Variants in ITPR2 observed in about 807,000 individuals in gnomAD.
ITPR2 encodes the protein inositol 1,4,5-trisphosphate receptor type 2.
A neutral mutation model predicts 317.1 loss-of-function variants in ITPR2; 207 were observed. The ratio of observed to expected loss-of-function variants is 0.65; its 90% confidence interval spans 0.58 to 0.73. ITPR2 has a LOEUF of 0.73. Among genes scored for constraint, ITPR2 ranks in the 30% least tolerant of loss-of-function variants. The pLI is 0.00. For synonymous variants in ITPR2, 1,156 were observed against 1,149.1 expected, an observed-to-expected ratio of 1.01 and a Z score of -0.12; for missense variants, 2,613 against 3,284.0, an observed-to-expected ratio of 0.80 and a Z score of 4.99.
chr12:26,626,225 A>G (rs1247002730), intron 23 of ITPR2, among the ~76,000 whole-genome samples: 2 of 152,168 alleles, frequency 1.3e-5, no homozygotes, highest in African/African-American at 4.8e-5. Flanking sequence ...TCGGCCTCCC[A>G]AAGTGTTGGG....
intron 45 of ITPR2, among the ~76,000 whole-genome samples, chr12:26,457,022 T>C (rs772901008): frequency 1.3e-5 from 2 of 152,186 alleles, no homozygotes; most frequent in Non-Finnish European, 2.9e-5. Context: ...TACCAAATAA[T>C]GCTCTAGGCT....
intron 14 of ITPR2, 110 bp from the exon 15 acceptor site, chr12:26,663,956 A>G: frequency 9.8e-7 from 1 of 1,021,952 alleles, no homozygotes; most frequent in Non-Finnish European, 1.4e-6. Context: ...AAATTTGAGT[A>G]TTAGAGTAAA....
intron 8 of ITPR2, among the ~76,000 whole-genome samples, chr12:26,714,732 G>T (rs892571399): frequency 2.6e-5 from 4 of 152,172 alleles, no homozygotes; most frequent in Middle Eastern, 3.4e-3. Context: ...CATATAAAAA[G>T]ATCCTTTAAG....
chr12:26,395,711 C>G (rs1183963707), intron 54 of ITPR2, among the ~76,000 whole-genome samples: 1 of 152,180 alleles, frequency 6.6e-6, no homozygotes, highest in Non-Finnish European at 1.5e-5. Context: ...AACAGCTTGG[C>G]CCCATAACGC....
At chr12:26,483,558 T>C (rs1220304446) in intron 42 of ITPR2, 140 bp downstream of exon 42, 3 of 637,082 alleles carry the variant, frequency 4.7e-6, no homozygotes, top group African/African-American at 3.7e-5. Context: ...TCCTTGTCTA[T>C]AATTCAGTCT....
intron 16 of ITPR2, 141 bp from the exon 17 acceptor site, chr12:26,658,271 G>A (rs1204559316): frequency 4.3e-6 from 2 of 467,674 alleles, no homozygotes; most frequent in East Asian, 7.6e-5. Flanking sequence ...TGTCTAATGT[G>A]TTGTTTATCT....
chr12:26,661,668 T>C lies in ITPR2; in HGVS notation c.1713+2017A>G, dbSNP rs1361952922. Among the ~76,000 whole-genome samples, 3 of 152,266 alleles carry C rather than the reference T, an allele frequency of 2.0e-5. No homozygotes were observed. The South Asian group carries it at 6.2e-4, about 32-fold the overall frequency. On this transcript the variant is annotated intron_variant, in intron 15 of 56. Transcript: ENST00000381340. Reference sequence around the variant, plus strand: ...TTTTTTCTGTTAATGTCAATCTCTATAATACAGCACTGCTCGTACGGGTGA... The same window carrying C: ...TTTTTTCTGTTAATGTCAATCTCTACAATACAGCACTGCTCGTACGGGTGA...
At chr12:26,761,350 T>TAG (rs1949629940) in intron 2 of ITPR2, among the ~76,000 whole-genome samples, 1 of 152,192 alleles carries the variant, frequency 6.6e-6, no homozygotes, top group Non-Finnish European at 1.5e-5. Context: ...TCTTAAAATG[T>TAG]GCAGACACCA....
chr12:26,814,580 C>T (rs1950816550), intron 1 of ITPR2, among the ~76,000 whole-genome samples: 1 of 152,170 alleles, frequency 6.6e-6, no homozygotes, highest in Non-Finnish European at 1.5e-5. Context: ...ACTTCACCAT[C>T]AAGAATTTAT....
chr12:26,672,261 C>T (rs975963034), intron 13 of ITPR2, among the ~76,000 whole-genome samples: 20 of 151,180 alleles, frequency 1.3e-4, no homozygotes, highest in African/African-American at 4.6e-4. Flanking sequence ...TTTTCAGCAC[C>T]ACACCACACC....
At chr12:26,483,137 CTG>C (rs1432883404) in intron 42 of ITPR2, among the ~76,000 whole-genome samples, 1 of 152,184 alleles carries the variant, frequency 6.6e-6, no homozygotes, top group Non-Finnish European at 1.5e-5. Flanking sequence ...AGACTTGAAA[CTG>C]TGCCCTCCAA....
intron 55 of ITPR2, among the ~76,000 whole-genome samples, chr12:26,383,498 T>TTTG (rs1565497603): frequency 2.0e-5 from 3 of 150,124 alleles, no homozygotes; most frequent in South Asian, 2.1e-4. Flanking sequence ...TTGTTTGTTT[T>TTTG]TTTGAGATGG....
chr12:26,678,736 A>G (rs750981050), intron 13 of ITPR2, among the ~76,000 whole-genome samples: 13 of 152,182 alleles, frequency 8.5e-5, no homozygotes, highest in Non-Finnish European at 1.6e-4. Context: ...TTTCACTCCA[A>G]AACAGCAGGG....
At chr12:26,650,560 C>A (rs12579148) in intron 21 of ITPR2, among the ~76,000 whole-genome samples, 1 of 151,974 alleles carries the variant, frequency 6.6e-6, no homozygotes, top group Non-Finnish European at 1.5e-5. Flanking sequence ...AATAAAAAAT[C>A]TCTGTATCTT....
chr12:26,742,626 C>T (rs1949250606), intron 2 of ITPR2, among the ~76,000 whole-genome samples: 1 of 151,980 alleles, frequency 6.6e-6, no homozygotes, highest in East Asian at 1.9e-4. Context: ...ACCAGCCTGG[C>T]CAACATGGTG....
At chr12:26,519,180 T>C (rs935745513) in intron 37 of ITPR2, among the ~76,000 whole-genome samples, 7 of 152,114 alleles carry the variant, frequency 4.6e-5, no homozygotes, top group African/African-American at 1.7e-4. Flanking sequence ...ATTCTTCCTA[T>C]GAAATAAATA....
At chr12:26,451,319 C>T (rs181556576) in intron 45 of ITPR2, among the ~76,000 whole-genome samples, 270 of 150,722 alleles carry the variant, frequency 1.8e-3, no homozygotes, top group African/African-American at 6.4e-3. Context: ...CAAAGGACCA[C>T]AGACCTAAGG....
At chr12:26,410,091 T>C (rs1459157892) in intron 52 of ITPR2, among the ~76,000 whole-genome samples, 1 of 152,188 alleles carries the variant, frequency 6.6e-6, no homozygotes, top group Non-Finnish European at 1.5e-5. Context: ...TTCAACTGCT[T>C]GCCCTGGAGT....
intron 45 of ITPR2, among the ~76,000 whole-genome samples, chr12:26,470,527 T>C (rs10842738): frequency 0.09 from 13,732 of 152,124 alleles, 1,294 homozygotes; most frequent in African/African-American, 0.23. Context: ...ACAGAAGAAA[T>C]ACAAATGACC....
Sources: allele counts gnomAD v4.1 joint callset (sites outside exome capture counted in the v4.1 genomes callset), GRCh38; gene constraint gnomAD v4.1.1; transcripts MANE v1.5; gene names NCBI Gene and HGNC (gene_info 2026-07-23, HGNC 2026-07-21).